The following RNF32 variants were observed in gnomAD, a reference collection of about 807,000 sequenced individuals.
RNF32 encodes ring finger protein 32.
A neutral mutation model predicts 41.0 loss-of-function variants in RNF32; 36 were observed. That is an observed-to-expected ratio of 0.88 (90% CI 0.67 to 1.16). RNF32 has a LOEUF of 1.16. Among genes scored for constraint, RNF32 ranks in the 50% most tolerant of loss-of-function variants. RNF32 has a pLI of 0.00. For synonymous variants in RNF32, 154 were observed against 160.9 expected, an observed-to-expected ratio of 0.96 and a Z score of 0.32; for missense variants, 413 against 436.7, an observed-to-expected ratio of 0.95 and a Z score of 0.48.
chr7:156,643,834 G>A lies in RNF32; in HGVS notation c.-44G>A, dbSNP rs1302256690. ...TAGAAGGAAGGTGATAGGATGTGAT[G>A]ATAGAATTTGTGATAGCCAAGCAAC... is the stretch of plus-strand genomic sequence containing the variant. On this transcript the variant is annotated 5_prime_UTR_variant, in exon 2 of 9. An upstream start codon of the reference 5' UTR is lost. Transcript: ENST00000317955. 6.3e-7 allele frequency: 1 copy of A among 1,587,396 alleles called. No individual in the cohort carries two copies. Among genetic ancestry groups the A allele is most frequent in the East Asian group, 2.2e-5 (1 of 44,750 alleles).
intron 7 of RNF32, among the ~76,000 whole-genome samples, chr7:156,675,425 G>GT (rs1419109734): frequency 6.6e-6 from 1 of 152,130 alleles, no homozygotes; most frequent in Non-Finnish European, 1.5e-5. Context: ...GGGAAGGAAT[G>GT]TTTTTTCCTT....
intron 7 of RNF32, chr7:156,659,426 C>A: frequency 2.0e-6 from 2 of 985,548 alleles, no homozygotes; most frequent in South Asian, 4.7e-5. Context: ...TAAAGGACCG[C>A]CATGCACGAT....
At chr7:156,666,179 T>G (rs1801314396) in intron 7 of RNF32, among the ~76,000 whole-genome samples, 1 of 152,232 alleles carries the variant, frequency 6.6e-6, no homozygotes, top group Non-Finnish European at 1.5e-5. Context: ...TCATATGTTT[T>G]AGGATCTCAC....
intron 7 of RNF32, among the ~76,000 whole-genome samples, chr7:156,673,710 T>G (rs1171111761): frequency 6.6e-6 from 1 of 152,060 alleles, no homozygotes; most frequent in Non-Finnish European, 1.5e-5. Flanking sequence ...CTCTCATCCT[T>G]AAAGCCAATA....
At position 156,658,204 on chromosome 7, in the gene RNF32, G is replaced by T; in HGVS notation, c.527G>T (p.Arg176Leu). The stretch of plus-strand genomic sequence containing the variant: ...TGTAGAAAGAACCAGTATCAAACCC[G>T]AGTGATACACGATGGGGCCCGCCTG... ...PLCRKNQYQT[R>L]VIHDGARLFR... is the part of the protein sequence containing the mutation. The change falls in exon 6 of 9, where the codon CGA becomes CTA. Residue 176 changes from arginine to leucine, a missense_variant. Transcript: ENST00000317955. The T allele has an allele frequency of 6.2e-7, 1 of 1,614,200 alleles. No homozygotes were observed. Among genetic ancestry groups the T allele is most frequent in the Non-Finnish European group, 8.5e-7 (1 of 1,180,036 alleles).
intron 4 of RNF32, among the ~76,000 whole-genome samples, chr7:156,656,711 C>A (rs1799727681): frequency 6.6e-6 from 1 of 152,252 alleles, no homozygotes; most frequent in Non-Finnish European, 1.5e-5. Context: ...GTGCCCCAGA[C>A]TGTGGTCACC....
intron 7 of RNF32, among the ~76,000 whole-genome samples, chr7:156,664,833 CAT>C (rs753702727): frequency 1.6e-4 from 24 of 151,992 alleles, no homozygotes; most frequent in Non-Finnish European, 2.8e-4. Flanking sequence ...CTGGGCATAA[CAT>C]GTGAAAATGT....
At chr7:156,640,320 G>C (rs1318153308), upstream of RNF32, 1 of 451,314 alleles carries the variant, frequency 2.2e-6, no homozygotes, top group Admixed American at 2.4e-5. Context: ...GAAACAACCG[G>C]GGCCCAGGCC....
rs1437056397 is a variant in RNF32 at position 156,660,105 on chromosome 7, G to A, written c.684+1535G>A. 7.1e-6 allele frequency: 7 copies of A among 985,672 alleles called. No individual in the cohort carries two copies. In the Admixed American group the frequency reaches 3.1e-4, roughly 43 times the overall value. 61.1% of individuals were successfully genotyped at this position (985,672 alleles called of 1,614,324 possible). On this transcript the variant is annotated intron_variant, in intron 7 of 8. Transcript: ENST00000317955. The stretch of plus-strand genomic sequence containing the variant: ...ATCCCAACTGCTGCCTCCTCGTCCT[G>A]AGCCCTCATCGCTCGGAACGCCCCG...
Position 156,654,155 on chromosome 7 carries a change from G to A in RNF32, c.275-421G>A, listed in dbSNP as rs191490939. The A allele has an allele frequency of 4.0e-5, 6 of 151,768 alleles. No individual in the cohort carries two copies. In the East Asian group the frequency reaches 1.2e-3, roughly 29 times the overall value. 9.4% of individuals were successfully genotyped at this position (151,768 alleles called of 1,614,324 possible). A position where few individuals can be genotyped will look rare whatever the true frequency, so the allele number is the denominator to read the frequency against. ...TATATACAGTCCACCATTTGTATCC[G>A]TGGGTTTGGCATCCACAGATTCAAC... On this transcript the variant is annotated intron_variant, in intron 3 of 8. Coordinates refer to ENST00000317955, the MANE Select transcript of RNF32 (RefSeq NM_030936.4).
At chr7:156,659,189 G>A (rs753706163) in intron 7 of RNF32, 67 of 1,167,834 alleles carry the variant, frequency 5.7e-5, no homozygotes, top group Admixed American at 2.2e-4. Flanking sequence ...CAGCAGCTCC[G>A]AGGCTGTCAT....
intron 4 of RNF32, chr7:156,657,327 T>C: frequency 3.5e-6 from 2 of 571,804 alleles, no homozygotes; most frequent in South Asian, 4.5e-5. Context: ...CTTCATGTGT[T>C]TATTTGATAT....
intron 7 of RNF32, among the ~76,000 whole-genome samples, chr7:156,662,927 A>C (rs1267858534): frequency 6.7e-6 from 1 of 149,720 alleles, no homozygotes; most frequent in Non-Finnish European, 1.5e-5. Flanking sequence ...GGCACACTGC[A>C]ACCTCCGCCT....
At chr7:156,664,771 CTCTTT>C (rs1322279410) in intron 7 of RNF32, among the ~76,000 whole-genome samples, 3 of 152,164 alleles carry the variant, frequency 2.0e-5, no homozygotes, top group Admixed American at 1.3e-4. Context: ...TTAGAAAAGA[CTCTTT>C]TCATCTAGCA....
intron 8 of RNF32, 162 bp from the exon 9 acceptor site, chr7:156,676,257 G>A (rs1281796394): frequency 2.1e-5 from 30 of 1,430,200 alleles, no homozygotes; most frequent in South Asian, 9.8e-5. Flanking sequence ...ATATATATAT[G>A]TATATATATA....
chr7:156,658,484 T>C lies in RNF32; in HGVS notation c.598T>C (p.Cys200Arg), dbSNP rs1563082560. The part of the protein sequence containing the change: ...VTRIQAYWRG[C>R]VVRKWYRNLR... ...TAGAATCCAAGCCTACTGGAGAGGA[T>C]GTGTTGTTAGAAAGTGGTACAGAAA... Residue 200 changes from cysteine to arginine, a missense_variant, in exon 7 of 9, where the codon TGT (cysteine) becomes CGT (arginine). Coordinates refer to ENST00000317955, the MANE Select transcript of RNF32 (RefSeq NM_030936.4). The C allele has an allele frequency of 1.9e-6, 3 of 1,613,214 alleles. No homozygotes were observed. In the Admixed American group the frequency reaches 5.0e-5, roughly 27 times the overall value.
chr7:156,658,074 A>C (rs1279205382), intron 5 of RNF32, 54 bp from the exon 6 acceptor site: 3 of 1,542,544 alleles, frequency 1.9e-6, no homozygotes, highest in African/African-American at 1.4e-5. Flanking sequence ...GGAAGTAAAA[A>C]CGTTGTTTAT....
intron 5 of RNF32, 26 bp from the exon 6 acceptor site, chr7:156,658,102 A>C (rs1364357547): frequency 6.2e-7 from 1 of 1,606,064 alleles, no homozygotes; most frequent in South Asian, 1.1e-5. Flanking sequence ...TACTTGTAAA[A>C]TTTTAAGTGA....
intron 7 of RNF32, chr7:156,659,011 G>T (rs928589090): frequency 1.4e-6 from 2 of 1,457,070 alleles, no homozygotes; most frequent in African/African-American, 2.9e-5. Flanking sequence ...GTACCTCGTG[G>T]GGTCATCACA....
Sources: allele counts gnomAD v4.1 joint callset (sites outside exome capture counted in the v4.1 genomes callset), GRCh38; gene constraint gnomAD v4.1.1; transcripts MANE v1.5; gene names NCBI Gene and HGNC (gene_info 2026-07-23, HGNC 2026-07-21).